SLC36A1: variants seen among roughly 807,000 people sequenced by gnomAD.
SLC36A1 encodes the protein proton-coupled amino acid transporter 1.
In SLC36A1, 30 loss-of-function variants were observed where a neutral mutation model predicts 47.5. The ratio of observed to expected loss-of-function variants is 0.63; its 90% confidence interval spans 0.47 to 0.86. The LOEUF is 0.86. Among genes scored for constraint, SLC36A1 ranks in the 40% least tolerant of loss-of-function variants. The pLI is 0.00. For missense variants in SLC36A1, 517 were observed against 606.0 expected, an observed-to-expected ratio of 0.85 and a Z score of 1.54; for synonymous variants, 255 against 249.7, an observed-to-expected ratio of 1.02 and a Z score of -0.20.
intron 1 of SLC36A1, among the ~76,000 whole-genome samples, chr5:151,453,230 TA>T (rs1446349520): frequency 1.3e-5 from 2 of 150,878 alleles, no homozygotes; most frequent in Non-Finnish European, 2.9e-5. Flanking sequence ...AATAAATAAA[TA>T]AAATAAAATA....
the SLC36A1 span, among the ~76,000 whole-genome samples, chr5:151,553,551 C>T: frequency 3.9e-5 from 6 of 152,234 alleles, no homozygotes; most frequent in African/African-American, 1.4e-4. Context: ...TAAACAGGCA[C>T]CCTGCCAGTT....
intron 5 of SLC36A1, 59 bp from the exon 6 acceptor site, chr5:151,467,140 C>CT: frequency 7.5e-7 from 1 of 1,337,858 alleles, no homozygotes. Flanking sequence ...ACCTCCCCTT[C>CT]TGGGAGCATT....
At chr5:151,393,110 G>C in the SLC36A1 span, among the ~76,000 whole-genome samples, 11,380 of 151,118 alleles carry the variant, frequency 0.075, 1,101 homozygotes, top group African/African-American at 0.23. Flanking sequence ...TATGTATTTA[G>C]GATAGTTAGC....
the SLC36A1 span, among the ~76,000 whole-genome samples, chr5:151,360,575 G>C: frequency 6.6e-6 from 1 of 152,156 alleles, no homozygotes; most frequent in African/African-American, 2.4e-5. Context: ...GGCACACTCA[G>C]TGTAACTTTA....
intron 7 of SLC36A1, chr5:151,469,369 C>A (rs1235834343): frequency 1.1e-5 from 7 of 619,532 alleles, no homozygotes; most frequent in Non-Finnish European, 2.9e-6. Context: ...TTTTTTCCAC[C>A]TTAAAAATGC....
At chr5:151,398,341 G>A in the SLC36A1 span, among the ~76,000 whole-genome samples, 1 of 152,188 alleles carries the variant, frequency 6.6e-6, no homozygotes, top group Non-Finnish European at 1.5e-5. Flanking sequence ...CCACCAGGAA[G>A]AGCACCATCC....
At chr5:151,513,290 A>G in the SLC36A1 span, among the ~76,000 whole-genome samples, 3 of 152,142 alleles carry the variant, frequency 2.0e-5, no homozygotes, top group Non-Finnish European at 4.4e-5. Flanking sequence ...AAAGACATAC[A>G]CTCATATGTT....
At chr5:151,438,881 T>G (rs1228450393) in intron 1 of SLC36A1, among the ~76,000 whole-genome samples, 1 of 152,242 alleles carries the variant, frequency 6.6e-6, no homozygotes, top group African/African-American at 2.4e-5. Flanking sequence ...ACATTTTTTT[T>G]CTTTAAACAT....
chr5:151,528,276 C>T, the SLC36A1 span: 2 of 903,214 alleles, frequency 2.2e-6, no homozygotes, highest in African/African-American at 1.7e-5. Context: ...CCAAAGTAAT[C>T]TCTTCACTTA....
chr5:151,546,207 C>G, the SLC36A1 span: 4 of 1,614,022 alleles, frequency 2.5e-6, no homozygotes, highest in Non-Finnish European at 2.5e-6. Flanking sequence ...CCAGGTCATG[C>G]CATTGTGGGG....
the SLC36A1 span, chr5:151,382,338 G>A: frequency 2.3e-6 from 2 of 887,298 alleles, no homozygotes; most frequent in South Asian, 2.9e-5. Context: ...CAGCCTCCCT[G>A]TAGATCTGGC....
At chr5:151,350,380 CAG>C in the SLC36A1 span, among the ~76,000 whole-genome samples, 807 of 152,334 alleles carry the variant, frequency 5.3e-3, 5 homozygotes, top group Non-Finnish European at 8.5e-3. Context: ...GTACTAGAGA[CAG>C]AGCTTTGATT....
intron 7 of SLC36A1, among the ~76,000 whole-genome samples, chr5:151,470,085 A>T (rs1287792688): frequency 1.3e-5 from 2 of 152,250 alleles, no homozygotes; most frequent in African/African-American, 4.8e-5. Flanking sequence ...TAAAATAAAT[A>T]GTTCTTCACG....
At chr5:151,356,335 C>T in the SLC36A1 span, among the ~76,000 whole-genome samples, 13 of 40,204 alleles carry the variant, frequency 3.2e-4, no homozygotes, top group African/African-American at 1.7e-3. Flanking sequence ...AAGGCTCTGT[C>T]TCACAAAAAA....
chr5:151,490,340 T>A lies in SLC36A1; in HGVS notation c.*2086T>A, dbSNP rs1338857133. The A allele has an allele frequency of 6.6e-6, 1 of 152,306 alleles. No individual in the cohort carries two copies. Among genetic ancestry groups the A allele is most frequent in the Admixed American group, 6.5e-5 (1 of 15,288 alleles). The allele number at this position is 152,306 out of a possible 1,614,324, so 9.4% of individuals were successfully genotyped here. On this transcript the variant is annotated 3_prime_UTR_variant, in exon 11 of 11. Coordinates refer to ENST00000243389, the MANE Select transcript of SLC36A1 (RefSeq NM_078483.4). ...GTTCGGGCTCTGGCAGCCCAGCCGC[T>A]ATCTTAGCTGTCTTTCCCAGCGGTG...
chr5:151,554,632 G>C, the SLC36A1 span: 1 of 1,613,898 alleles, frequency 6.2e-7, no homozygotes, highest in African/African-American at 1.3e-5. Context: ...CCACCCTGGA[G>C]GTGGACTTCA....
chr5:151,396,148 T>TATC, the SLC36A1 span, among the ~76,000 whole-genome samples: 1 of 150,266 alleles, frequency 6.7e-6, no homozygotes, highest in South Asian at 2.1e-4. Flanking sequence ...TTATTATTAT[T>TATC]ATCATACATA....
At chr5:151,511,686 A>G in the SLC36A1 span, 2 of 162,034 alleles carry the variant, frequency 1.2e-5, no homozygotes, top group African/African-American at 4.8e-5. Context: ...TCTTAAAAAT[A>G]TGGTGCTGAG....
the SLC36A1 span, among the ~76,000 whole-genome samples, chr5:151,539,218 A>G: frequency 6.6e-6 from 1 of 152,196 alleles, no homozygotes; most frequent in African/African-American, 2.4e-5. Context: ...GACATTTTGC[A>G]TGCATACCAA....
Sources: allele counts gnomAD v4.1 joint callset (sites outside exome capture counted in the v4.1 genomes callset), GRCh38; gene constraint gnomAD v4.1.1; transcripts MANE v1.5; gene names NCBI Gene and HGNC (gene_info 2026-07-23, HGNC 2026-07-21).